Variants in PDLIM5 observed in about 807,000 individuals in gnomAD.
PDLIM5 encodes the protein PDZ and LIM domain protein 5.
PDLIM5 carries 34 observed loss-of-function variants against 64.2 expected under a neutral mutation model. The ratio of observed to expected loss-of-function variants is 0.53; its 90% CI spans 0.40 to 0.71. The LOEUF is 0.71. Ranked by LOEUF, PDLIM5 falls within the 30% of genes least tolerant of loss-of-function variation. The pLI is 0.00. For missense variants in PDLIM5, 683 were observed against 733.6 expected, an observed-to-expected ratio of 0.93 and a Z score of 0.80; for synonymous variants, 253 against 269.1, an observed-to-expected ratio of 0.94 and a Z score of 0.59.
At chr4:94,472,090 A>G (rs1036238270) in intron 2 of PDLIM5, among the ~76,000 whole-genome samples, 3 of 152,116 alleles carry the variant, frequency 2.0e-5, no homozygotes, top group African/African-American at 7.2e-5. Flanking sequence ...TCAAAATTCA[A>G]TTCTGCTTTT....
chr4:94,516,676 G>T (rs1448125867), intron 2 of PDLIM5, among the ~76,000 whole-genome samples: 1 of 151,804 alleles, frequency 6.6e-6, no homozygotes, highest in Non-Finnish European at 1.5e-5. Flanking sequence ...GGTCCCAGAT[G>T]GCACACACCA....
chr4:94,494,601 G>T (rs1359264625), intron 2 of PDLIM5, among the ~76,000 whole-genome samples: 2 of 150,740 alleles, frequency 1.3e-5, no homozygotes, highest in Admixed American at 1.3e-4. Flanking sequence ...CACCATGCCC[G>T]GCTAATTTTT....
At chr4:94,485,725 C>T (rs1726255982) in intron 2 of PDLIM5, among the ~76,000 whole-genome samples, 1 of 150,924 alleles carries the variant, frequency 6.6e-6, no homozygotes, top group South Asian at 2.1e-4. Flanking sequence ...TGGCATGTGC[C>T]TGTAATCCCA....
chr4:94,532,320 CA>C (rs1193864687), intron 3 of PDLIM5, among the ~76,000 whole-genome samples: 1 of 151,982 alleles, frequency 6.6e-6, no homozygotes, highest in Non-Finnish European at 1.5e-5. Flanking sequence ...AAACTTTAGA[CA>C]AAAGTAACTA....
chr4:94,567,024 C>T (rs189464708), intron 3 of PDLIM5, among the ~76,000 whole-genome samples: 28 of 152,328 alleles, frequency 1.8e-4, no homozygotes, highest in Non-Finnish European at 2.5e-4. Flanking sequence ...GACGGAGTCT[C>T]GCTCTGTCGC....
chr4:94,557,049 T>C (rs1045638859), intron 3 of PDLIM5, among the ~76,000 whole-genome samples: 2 of 152,238 alleles, frequency 1.3e-5, no homozygotes, highest in African/African-American at 4.8e-5. Context: ...GTCTAACATT[T>C]AAGTCTTTAA....
At position 94,532,371 on chromosome 4, in the gene PDLIM5, A is replaced by G. The variant is rs77591568; in HGVS notation, c.248+8496A>G. Among the ~76,000 whole-genome samples, 1,072 of 152,254 alleles carry G rather than the reference A, an allele frequency of 7.0e-3. 18 individuals carry two copies. The highest frequency in any genetic ancestry group is 0.023 in the African/African-American group (966 of 41,498). ...CTAGCATGGGGAAGAAGAGAGAAGA[A>G]GAAAAGGGCTCCCTGCTTCTGGTGA... On this transcript the variant is annotated intron_variant, in intron 3 of 12. Coordinates refer to ENST00000317968, the MANE Select transcript of PDLIM5 (RefSeq NM_006457.5).
intron 7 of PDLIM5, among the ~76,000 whole-genome samples, chr4:94,601,618 A>G (rs1578450484): frequency 4.6e-5 from 7 of 152,250 alleles, no homozygotes; most frequent in Admixed American, 3.9e-4. Context: ...TTGATAATTT[A>G]TTTCATAACC....
In PDLIM5 at chr4:94,663,919, G is replaced by A. The variant is rs898518494; in HGVS notation, c.1702-59G>A. On this transcript the variant is annotated intron_variant, in intron 12 of 12. Transcript: ENST00000317968. ...CACTCTCTCCTTCTCCAGCATACTG[G>A]GTAAAATCCTCTTAATATCCTCTTA... The A allele has an allele frequency of 3.9e-5, 60 of 1,537,132 alleles. No individual in the cohort carries two copies. In the African/African-American group the frequency reaches 7.3e-4, roughly 19 times the overall value.
intron 2 of PDLIM5, among the ~76,000 whole-genome samples, chr4:94,509,472 A>G (rs966833247): frequency 1.2e-4 from 19 of 152,142 alleles, no homozygotes; most frequent in East Asian, 5.8e-4. Context: ...TTGCCATATG[A>G]TGCCATGCCT....
rs185225150 is a variant in PDLIM5, at chr4:94,550,742, A to G, written c.249-22609A>G. The stretch of plus-strand genomic sequence containing the variant: ...ATCCATACTTGAGGAGCAAAAGGGA[A>G]TAGTTCTGATGTCTGCAATTAATGA... On this transcript the variant is annotated intron_variant, in intron 3 of 12. Coordinates refer to ENST00000317968, the MANE Select transcript of PDLIM5 (RefSeq NM_006457.5). Among the ~76,000 whole-genome samples, 156 of 152,290 alleles carry G rather than the reference A, an allele frequency of 1.0e-3. 1 individual carries two copies. The highest frequency in any genetic ancestry group is 2.3e-3 in the Admixed American group (35 of 15,292).
At chr4:94,611,221 G>C in intron 7 of PDLIM5, 6 of 1,529,046 alleles carry the variant, frequency 3.9e-6, no homozygotes, top group Non-Finnish European at 5.3e-6. Flanking sequence ...AGCAGATATG[G>C]CAAGTGGTGG....
At position 94,470,603 on chromosome 4, in the gene PDLIM5, GTA is replaced by G. The variant is rs1310968834; in HGVS notation, c.96+15222_96+15223del. On this transcript the variant is annotated intron_variant, in intron 2 of 12. Coordinates refer to ENST00000317968, the MANE Select transcript of PDLIM5 (RefSeq NM_006457.5). ...TTTTATTATTTCTAGTGGAGGGTGTGTATAAGTTTTAATATGTTTTTCATTTC... is the reference window on the plus strand; with the variant it reads ...TTTTATTATTTCTAGTGGAGGGTGTGTAAGTTTTAATATGTTTTTCATTTC... Among the ~76,000 whole-genome samples, 6 of 152,258 alleles carry G rather than the reference GTA, an allele frequency of 3.9e-5. 1 individual carries two copies. Among genetic ancestry groups the G allele is most frequent in the African/African-American group, 1.4e-4 (6 of 41,564 alleles).
chr4:94,456,404 G>T (rs1244661659), intron 2 of PDLIM5: 2 of 676,878 alleles, frequency 3.0e-6, no homozygotes, highest in Non-Finnish European at 5.3e-6. Context: ...CCCTATGTTG[G>T]TCAGGCTGGT....
intron 7 of PDLIM5, among the ~76,000 whole-genome samples, chr4:94,599,840 G>A (rs544607179): frequency 7.2e-5 from 11 of 152,106 alleles, no homozygotes; most frequent in Non-Finnish European, 1.0e-4. Flanking sequence ...AGTTAAAACA[G>A]TAATGAGGAG....
intron 2 of PDLIM5, among the ~76,000 whole-genome samples, chr4:94,504,310 A>G (rs1335195817): frequency 1.3e-5 from 2 of 150,294 alleles, no homozygotes; most frequent in South Asian, 2.1e-4. Context: ...TTTTTTTGAG[A>G]CAGAGTGTCA....
intron 3 of PDLIM5, among the ~76,000 whole-genome samples, chr4:94,534,502 T>G (rs1731152448): frequency 6.6e-6 from 1 of 152,264 alleles, no homozygotes; most frequent in African/African-American, 2.4e-5. Flanking sequence ...CTTAAAGAAT[T>G]TATAATCTCT....
intron 2 of PDLIM5, among the ~76,000 whole-genome samples, chr4:94,508,107 G>T (rs1229228957): frequency 6.9e-6 from 1 of 144,558 alleles, no homozygotes; most frequent in East Asian, 1.9e-4. Flanking sequence ...TTTTAAAAAA[G>T]AAAAAGAAAA....
chr4:94,468,167 T>A (rs1724538913), intron 2 of PDLIM5, among the ~76,000 whole-genome samples: 1 of 151,976 alleles, frequency 6.6e-6, no homozygotes, highest in Non-Finnish European at 1.5e-5. Context: ...TGCACTTTTT[T>A]TTTTGGGATG....
Sources: allele counts gnomAD v4.1 joint callset (sites outside exome capture counted in the v4.1 genomes callset), GRCh38; gene constraint gnomAD v4.1.1; transcripts MANE v1.5; gene names NCBI Gene and HGNC (gene_info 2026-07-23, HGNC 2026-07-21).